ABTB2: variants seen among roughly 807,000 people sequenced by gnomAD.
ABTB2 encodes ankyrin repeat and BTB/POZ domain-containing protein 2.
In ABTB2, 56 loss-of-function variants were observed where a neutral mutation model predicts 104.1. The observed-to-expected ratio is 0.54, with a 90% confidence interval of 0.43 to 0.67. The LOEUF (loss-of-function observed/expected upper bound fraction) is 0.67, where lower values mean the gene tolerates loss of function less well. Ranked by LOEUF, ABTB2 falls within the 30% of genes least tolerant of loss-of-function variation. ABTB2 has a pLI of 0.00. For synonymous variants in ABTB2, 606 were observed against 608.2 expected (o/e 1.00, Z 0.05); for missense variants, 1,279 against 1,407.7 (o/e 0.91, Z 1.46).
intron 2 of ABTB2, among the ~76,000 whole-genome samples, chr11:34,204,013 G>A (rs1192848002): frequency 6.6e-6 from 1 of 152,212 alleles, no homozygotes; most frequent in Non-Finnish European, 1.5e-5. Context: ...ATGGTAAAGA[G>A]CCACATCAAG....
chr11:34,326,002 AAATAAAATAAAAT>A (rs1296610036), intron 1 of ABTB2, among the ~76,000 whole-genome samples: 3 of 150,492 alleles, frequency 2.0e-5, no homozygotes, highest in Admixed American at 6.6e-5. Flanking sequence ...AAATAAAATA[AAATAAAATAAAAT>A]AAAGAAAAAG....
intron 14 of ABTB2, 134 bp downstream of exon 14, chr11:34,159,162 C>CT: frequency 1.5e-6 from 1 of 678,474 alleles, no homozygotes; most frequent in Non-Finnish European, 2.6e-6. Flanking sequence ...CCTGGATGCT[C>CT]TATTCATTCA....
In ABTB2 at chr11:34,357,319, G is replaced by A. The variant is rs1855480344; in HGVS notation, c.265C>T (p.Pro89Ser). 6.6e-7 allele frequency: 1 copy of A among 1,515,094 alleles called. No homozygotes were observed. The highest frequency in any genetic ancestry group is 8.9e-7 in the Non-Finnish European group (1 of 1,126,402). The allele number at this position is 1,515,094 out of a possible 1,614,324, so 93.9% of individuals were successfully genotyped here. ...AACTCCTCCAGCTCGGGGAGCCGCG[G>A]ACAGCGCGAGAAGAGGTCGGCCACT... is the stretch of plus-strand genomic sequence containing the variant. ...PEVADLFSRC[P>S]RLPELEEFPW... The change falls in exon 1 of 17, where the codon CCG becomes TCG. Residue 89 changes from proline (P) to serine (S), a missense_variant. Coordinates refer to ENST00000435224, the MANE Select transcript of ABTB2 (RefSeq NM_145804.3).
chr11:34,172,434 G>GTATA (rs1565131665), intron 4 of ABTB2, among the ~76,000 whole-genome samples: 2 of 62,638 alleles, frequency 3.2e-5, no homozygotes, highest in Non-Finnish European at 6.4e-5. Context: ...GTGTGTGTGT[G>GTATA]TATATAGATA....
At chr11:34,330,259 T>C (rs1220306853) in intron 1 of ABTB2, among the ~76,000 whole-genome samples, 4 of 152,162 alleles carry the variant, frequency 2.6e-5, no homozygotes, top group Non-Finnish European at 5.9e-5. Flanking sequence ...TATTTTGGGC[T>C]TTGAGTTGGG....
intron 1 of ABTB2, among the ~76,000 whole-genome samples, chr11:34,308,978 C>T (rs150683207): frequency 1.2e-3 from 189 of 151,862 alleles, no homozygotes; most frequent in Non-Finnish European, 2.2e-3. Context: ...AATTTTATTG[C>T]AATGACAATG....
intron 1 of ABTB2, among the ~76,000 whole-genome samples, chr11:34,295,781 C>A (rs1227051267): frequency 6.6e-6 from 1 of 152,116 alleles, no homozygotes; most frequent in East Asian, 1.9e-4. Flanking sequence ...TTGCAGACTG[C>A]CAACATCTCA....
intron 1 of ABTB2, among the ~76,000 whole-genome samples, chr11:34,211,137 T>G (rs2133044553): frequency 6.6e-6 from 1 of 152,196 alleles, no homozygotes; most frequent in East Asian, 1.9e-4. Context: ...GAGACGAGGT[T>G]TTATTCTGTC....
chr11:34,164,635 G>A (rs1852771862), intron 9 of ABTB2, 51 bp downstream of exon 9: 1 of 1,418,860 alleles, frequency 7.0e-7, no homozygotes, highest in Non-Finnish European at 9.2e-7. Context: ...GCTCCTGTGA[G>A]CTTAGTTCAG....
At chr11:34,343,368 C>T (rs577669534) in intron 1 of ABTB2, among the ~76,000 whole-genome samples, 10 of 152,346 alleles carry the variant, frequency 6.6e-5, no homozygotes, top group Admixed American at 5.9e-4. Context: ...ATACCAGGCT[C>T]TCCCAGGAAT....
intron 1 of ABTB2, among the ~76,000 whole-genome samples, chr11:34,318,518 G>T (rs1854966917): frequency 6.6e-6 from 1 of 152,198 alleles, no homozygotes; most frequent in African/African-American, 2.4e-5. Flanking sequence ...GAAGCTTGGG[G>T]TCTGAGGGAC....
chr11:34,310,090 G>C (rs1854831335), intron 1 of ABTB2, among the ~76,000 whole-genome samples: 1 of 152,150 alleles, frequency 6.6e-6, no homozygotes, highest in African/African-American at 2.4e-5. Flanking sequence ...GCATCTAAAA[G>C]GGGGAGGAGC....
chr11:34,158,852 C>T (rs1026519447), intron 14 of ABTB2, among the ~76,000 whole-genome samples: 1 of 152,242 alleles, frequency 6.6e-6, no homozygotes, highest in Admixed American at 6.5e-5. Context: ...ACGCAGCCTC[C>T]ACCAGCACTT....
chr11:34,191,484 G>A (rs1022263029), intron 3 of ABTB2, among the ~76,000 whole-genome samples: 4 of 152,206 alleles, frequency 2.6e-5, no homozygotes, highest in Admixed American at 1.3e-4. Flanking sequence ...CTAGCAAAAA[G>A]AGCTCTATGT....
intron 3 of ABTB2, among the ~76,000 whole-genome samples, chr11:34,188,607 T>C (rs1340679258): frequency 2.0e-5 from 3 of 152,028 alleles, no homozygotes; most frequent in East Asian, 1.9e-4. Context: ...GGTAAACAGA[T>C]GGAAATTTAA....
chr11:34,325,470 G>A (rs1855058898), intron 1 of ABTB2, among the ~76,000 whole-genome samples: 1 of 152,090 alleles, frequency 6.6e-6, no homozygotes, highest in East Asian at 1.9e-4. Context: ...TCACTTATAA[G>A]GTGCAGATAA....
At chr11:34,263,070 C>T (rs578132601) in intron 1 of ABTB2, among the ~76,000 whole-genome samples, 118 of 152,000 alleles carry the variant, frequency 7.8e-4, no homozygotes, top group Non-Finnish European at 1.5e-3. Flanking sequence ...CTCCGGAGGC[C>T]GGTTTAGCAT....
At chr11:34,198,380 G>A (rs890297871) in intron 2 of ABTB2, among the ~76,000 whole-genome samples, 15 of 152,066 alleles carry the variant, frequency 9.9e-5, no homozygotes, top group South Asian at 6.2e-4. Flanking sequence ...AGCAGAGATC[G>A]TGCCACCACA....
intron 14 of ABTB2, among the ~76,000 whole-genome samples, chr11:34,157,412 A>G (rs1367236106): frequency 6.6e-6 from 1 of 152,204 alleles, no homozygotes; most frequent in Non-Finnish European, 1.5e-5. Context: ...GTTCTATGAC[A>G]GATGCCCTCC....
Sources: gnomAD v4.1 joint callset for allele counts (sites outside exome capture counted in the v4.1 genomes callset) on GRCh38, gnomAD v4.1.1 for gene constraint, MANE v1.5 for transcripts, NCBI Gene and HGNC (gene_info 2026-07-23, HGNC 2026-07-21) for gene names.